EBF3: variants seen among roughly 807,000 people sequenced by gnomAD.
The protein encoded by EBF3 is EBF transcription factor 3, also known as transcription factor COE3.
In EBF3, 18 loss-of-function variants were observed where a neutral mutation model predicts 77.1. The ratio of observed to expected loss-of-function variants is 0.23; its 90% CI spans 0.16 to 0.35. The LOEUF is 0.35. Among genes scored for constraint, EBF3 ranks in the 10% least tolerant of loss-of-function variants. EBF3 has a pLI of 1.00. For synonymous variants in EBF3, 350 were observed against 343.5 expected, an observed-to-expected ratio of 1.02 and a Z score of -0.21; for missense variants, 558 against 860.0, an observed-to-expected ratio of 0.65 and a Z score of 4.39.
intron 10 of EBF3, among the ~76,000 whole-genome samples, chr10:129,854,893 G>A (rs1049004191): frequency 8.5e-5 from 13 of 152,370 alleles, no homozygotes; most frequent in East Asian, 3.9e-4. Context: ...GGCGCTGCCC[G>A]CGGGGGCCGG....
intron 6 of EBF3, among the ~76,000 whole-genome samples, chr10:129,937,278 C>T (rs1026590674): frequency 2.0e-5 from 3 of 151,946 alleles, no homozygotes; most frequent in African/African-American, 4.8e-5. Flanking sequence ...GAGCAGAGGG[C>T]AGGATGATTT....
chr10:129,845,330 A>C (rs926808114), intron 11 of EBF3: 1 of 152,244 alleles, frequency 6.6e-6, no homozygotes, highest in Non-Finnish European at 1.5e-5. Context: ...AGCCACAACC[A>C]TAAGTGTAAT....
At chr10:129,880,451 ACACATGCAGACACATG>A (rs1853123806) in intron 6 of EBF3, among the ~76,000 whole-genome samples, 1 of 151,826 alleles carries the variant, frequency 6.6e-6, no homozygotes, top group South Asian at 2.1e-4. Flanking sequence ...GCATACACAT[ACACATGCAGACACATG>A]CACACATACG....
Position 129,963,682 on chromosome 10 carries a change from C to A in EBF3, c.87G>T (p.Ser29=). ...PLGSGMNPVR[S]WMHTAGVVDA... The stretch of plus-strand genomic sequence containing the variant: ...CCACCACGCCCGCCGTGTGCATCCA[C>A]GAGCGCACCGGGTTCATGCCGCTGC... Residue 29 remains serine, a synonymous_variant, in exon 1 of 17, where the codon TCG becomes TCT. Coordinates refer to ENST00000440978, the MANE Select transcript of EBF3 (RefSeq NM_001375380.1). The surrounding 1 kb of genome is among the most constrained non-coding windows in gnomAD (Gnocchi z 7.1). The A allele has an allele frequency of 6.6e-7, 1 of 1,521,854 alleles. No homozygotes were observed. Among genetic ancestry groups the A allele is most frequent in the Non-Finnish European group, 8.9e-7 (1 of 1,128,252 alleles). The allele number at this position is 1,521,854 out of a possible 1,614,324, so 94.3% of individuals were successfully genotyped here.
intron 8 of EBF3, among the ~76,000 whole-genome samples, chr10:129,872,463 C>A (rs993183663): frequency 3.3e-5 from 5 of 152,192 alleles, no homozygotes; most frequent in African/African-American, 1.2e-4. Context: ...AATTATATTT[C>A]ACGCTGATAA....
At position 129,864,634 on chromosome 10, in the gene EBF3, G is replaced by A. The variant is rs539916629; in HGVS notation, c.1039+2507C>T. On this transcript the variant is annotated intron_variant, in intron 10 of 16. Coordinates refer to ENST00000440978, the MANE Select transcript of EBF3 (RefSeq NM_001375380.1). The surrounding 1 kb of genome is among the most constrained non-coding windows in gnomAD (Gnocchi z 4.4). ...GGGCTGACAGTCCAGTGTAAGAACA[G>A]GGGGCTTATTCATCCATTTTTGTGC... Among the ~76,000 whole-genome samples, 7 of 152,318 alleles carry A rather than the reference G, an allele frequency of 4.6e-5. No homozygotes were observed. The South Asian group carries it at 1.5e-3, about 32-fold the overall frequency.
At chr10:129,899,476 A>G (rs1854632940) in intron 6 of EBF3, among the ~76,000 whole-genome samples, 1 of 152,214 alleles carries the variant, frequency 6.6e-6, no homozygotes, top group Non-Finnish European at 1.5e-5. Context: ...GGGTCATTTC[A>G]AACAGGCCAA....
intron 6 of EBF3, among the ~76,000 whole-genome samples, chr10:129,886,370 C>T (rs1292233181): frequency 6.6e-6 from 1 of 152,160 alleles, no homozygotes; most frequent in Non-Finnish European, 1.5e-5. Flanking sequence ...TAATGAGGGG[C>T]ACATGTGTGC....
chr10:129,932,275 T>A (rs762444699), intron 6 of EBF3, among the ~76,000 whole-genome samples: 2 of 152,242 alleles, frequency 1.3e-5, no homozygotes, highest in Non-Finnish European at 2.9e-5. Context: ...AACCCACTTC[T>A]CACATTGGGG....
At chr10:129,881,314 A>G (rs1419572614) in intron 6 of EBF3, among the ~76,000 whole-genome samples, 1 of 152,198 alleles carries the variant, frequency 6.6e-6, no homozygotes, top group African/African-American at 2.4e-5. Flanking sequence ...CCCGTCATCA[A>G]AATGACCATT....
At chr10:129,931,116 T>C (rs911047592) in intron 6 of EBF3, among the ~76,000 whole-genome samples, 1 of 152,168 alleles carries the variant, frequency 6.6e-6, no homozygotes, top group African/African-American at 2.4e-5. Context: ...CCCTCTCATA[T>C]ACCTATATCT....
chr10:129,907,386 T>C (rs1029302216), intron 6 of EBF3, among the ~76,000 whole-genome samples: 7 of 152,246 alleles, frequency 4.6e-5, no homozygotes, highest in African/African-American at 1.4e-4. Flanking sequence ...ATTAGGTTTC[T>C]TGAGATGCTA....
rs1475055843 is a variant in EBF3 at position 129,883,488 on chromosome 10, A to G, written c.555-5639T>C. On this transcript the variant is annotated intron_variant, in intron 6 of 16. Transcript: ENST00000440978. Reference sequence around the variant, plus strand: ...CCTGCTTTTGAGTTTTAAGGCAGAGAGCTCTTAATAAGCAGCAAACTCATA... The same window carrying G: ...CCTGCTTTTGAGTTTTAAGGCAGAGGGCTCTTAATAAGCAGCAAACTCATA... Among the ~76,000 whole-genome samples, 6 of 152,050 alleles carry G rather than the reference A, an allele frequency of 3.9e-5. No homozygotes were observed. In the East Asian group the frequency reaches 9.6e-4, roughly 24 times the overall value.
intron 10 of EBF3, among the ~76,000 whole-genome samples, chr10:129,851,536 AC>A (rs1482560401): frequency 3.3e-5 from 5 of 152,328 alleles, no homozygotes; most frequent in Admixed American, 2.0e-4. Flanking sequence ...GGGGAAAAAA[AC>A]AATACGTTTC....
intron 10 of EBF3, among the ~76,000 whole-genome samples, chr10:129,862,342 G>A (rs1361319182): frequency 3.3e-5 from 5 of 152,106 alleles, no homozygotes; most frequent in South Asian, 2.1e-4. Flanking sequence ...CAGGTATTCC[G>A]CCGTCAAGAG....
At chr10:129,940,996 A>C (rs574897394) in intron 6 of EBF3, among the ~76,000 whole-genome samples, 2 of 152,334 alleles carry the variant, frequency 1.3e-5, no homozygotes, top group East Asian at 3.9e-4. Context: ...GACCCACCCC[A>C]GCAGTGAGCA....
intron 8 of EBF3, among the ~76,000 whole-genome samples, chr10:129,869,602 G>C (rs1008096831): frequency 6.6e-6 from 1 of 152,210 alleles, no homozygotes; most frequent in Admixed American, 6.5e-5. Flanking sequence ...AAGCCCGCGT[G>C]CCGTGGTTTC....
At chr10:129,913,842 T>A (rs1855687736) in intron 6 of EBF3, among the ~76,000 whole-genome samples, 1 of 152,174 alleles carries the variant, frequency 6.6e-6, no homozygotes, top group Non-Finnish European at 1.5e-5. Context: ...CATCTTCTCA[T>A]CTTCTCATCT....
At chr10:129,873,690 C>T in intron 7 of EBF3, 94 bp from the exon 8 acceptor site, 2 of 1,297,496 alleles carry the variant, frequency 1.5e-6, no homozygotes, top group East Asian at 2.7e-5. Flanking sequence ...TACTGCAGAG[C>T]ACAAGGAAAT....
Sources: allele counts gnomAD v4.1 joint callset (sites outside exome capture counted in the v4.1 genomes callset), GRCh38; gene constraint gnomAD v4.1.1; non-coding constraint Gnocchi (gnomAD v3.1); transcripts MANE v1.5; gene names NCBI Gene and HGNC (gene_info 2026-07-23, HGNC 2026-07-21).